Variants in CACNA1H observed in about 807,000 individuals in gnomAD.
CACNA1H encodes the protein calcium voltage-gated channel subunit alpha1 H, also known as voltage-dependent T-type calcium channel subunit alpha-1H.
A neutral mutation model predicts 192.5 loss-of-function variants in CACNA1H; 149 were observed. The ratio of observed to expected loss-of-function variants is 0.77; its 90% CI spans 0.68 to 0.89. CACNA1H has a LOEUF of 0.89. CACNA1H is among the 40% of genes least tolerant of loss of function. CACNA1H has a pLI of 0.00. For missense variants in CACNA1H, 4,257 were observed against 3,423.5 expected (o/e 1.24, Z -6.08); for synonymous variants, 2,202 against 1,475.2 (o/e 1.49, Z -11.29).
chr16:1,182,817 C>T (rs944825088), intron 2 of CACNA1H, among the ~76,000 whole-genome samples: 28 of 152,224 alleles, frequency 1.8e-4, no homozygotes, highest in African/African-American at 5.3e-4. Flanking sequence ...CCTCCTCTGA[C>T]GTTGCCCAGA....
At position 1,211,258 on chromosome 16, in the gene CACNA1H, C is replaced by T. The variant is rs60275734; in HGVS notation, c.4314C>T (p.Cys1438=). The change falls in exon 22 of 35, where the codon TGC becomes TGT. Residue 1438 remains cysteine (C), a synonymous_variant. Coordinates refer to ENST00000348261, the MANE Select transcript of CACNA1H (RefSeq NM_021098.3). ...RPIGNIVLIC[C]AFFIIFGILG... ...TTGGGAACATCGTCCTCATCTGCTGCGCCTTCTTCATCATTTTTGGCATTT... is the reference window on the plus strand; with the variant it reads ...TTGGGAACATCGTCCTCATCTGCTGTGCCTTCTTCATCATTTTTGGCATTT... 6,826 of 1,613,136 alleles carry T rather than the reference C, an allele frequency of 4.2e-3. 25 individuals are homozygous for T. The highest frequency in any genetic ancestry group is 5.0e-3 in the Non-Finnish European group (5,955 of 1,179,764).
intron 2 of CACNA1H, among the ~76,000 whole-genome samples, chr16:1,176,288 C>CG (rs1964881165): frequency 6.6e-6 from 1 of 152,220 alleles, no homozygotes; most frequent in Non-Finnish European, 1.5e-5. Context: ...TCACCCACCA[C>CG]GGGAGGGCAG....
At chr16:1,205,857 C>T (rs949872974) in intron 11 of CACNA1H, among the ~76,000 whole-genome samples, 1 of 152,210 alleles carries the variant, frequency 6.6e-6, no homozygotes, top group Non-Finnish European at 1.5e-5. Context: ...CCTGCCCTGG[C>T]CAGAGCCAGG....
At chr16:1,155,973 C>T (rs1210016335) in intron 2 of CACNA1H, among the ~76,000 whole-genome samples, 2 of 152,054 alleles carry the variant, frequency 1.3e-5, no homozygotes, top group Admixed American at 6.5e-5. Context: ...GACTTGGGTG[C>T]TGTCCTGGTC....
At chr16:1,172,494 A>T (rs951832902) in intron 2 of CACNA1H, among the ~76,000 whole-genome samples, 1 of 152,070 alleles carries the variant, frequency 6.6e-6, no homozygotes, top group African/African-American at 2.4e-5. Flanking sequence ...CCCCAGCAGG[A>T]CACGTAAGTA....
chr16:1,212,249 C>T (rs1278423538), intron 25 of CACNA1H, 111 bp downstream of exon 25: 47 of 1,417,900 alleles, frequency 3.3e-5, no homozygotes, highest in Non-Finnish European at 2.8e-6. Flanking sequence ...CTGCACGCCA[C>T]CCGCCTTGCC....
rs188162465 is a variant in CACNA1H at position 1,215,816 on chromosome 16, C to T, written c.5244+223C>T. On this transcript the variant is annotated intron_variant, in intron 30 of 34. Transcript: ENST00000348261. ...CAATCCTCTGGGCAAGACTCATAAC[C>T]GGGGCCCCCTCCCCGGTGCACTTCC... is the stretch of plus-strand genomic sequence containing the variant. Among the ~76,000 whole-genome samples, 318 of 152,258 alleles carry T rather than the reference C, an allele frequency of 2.1e-3. 1 individual carries two copies. Among genetic ancestry groups the T allele is most frequent in the African/African-American group, 7.1e-3 (296 of 41,546 alleles).
chr16:1,182,699 G>A lies in CACNA1H; in HGVS notation c.300-12273G>A, dbSNP rs553722068. Among the ~76,000 whole-genome samples, 18 of 152,240 alleles carry A rather than the reference G, an allele frequency of 1.2e-4. No homozygotes were observed. The South Asian group carries it at 3.7e-3, about 32-fold the overall frequency. On this transcript the variant is annotated intron_variant, in intron 2 of 34. Coordinates refer to ENST00000348261, the MANE Select transcript of CACNA1H (RefSeq NM_021098.3). ...TGCACATTGAGACTCAGAGCAGACT[G>A]GGGGTTGGCTGGGAGAGGCCAGGGT...
intron 2 of CACNA1H, among the ~76,000 whole-genome samples, chr16:1,187,025 A>C (rs1452773663): frequency 6.6e-6 from 1 of 152,238 alleles, no homozygotes; most frequent in Non-Finnish European, 1.5e-5. Flanking sequence ...TGTGGGACCA[A>C]AGCTGTTGCT....
chr16:1,212,343 AC>A, intron 25 of CACNA1H, among the ~76,000 whole-genome samples, 167 bp from the exon 26 acceptor site: 1 of 151,260 alleles, frequency 6.6e-6, no homozygotes, highest in East Asian at 2.0e-4. Context: ...AGGAGGAGAC[AC>A]CCCCAACCCC....
At chr16:1,213,550 C>G (rs184557719) in intron 26 of CACNA1H, among the ~76,000 whole-genome samples, 136 of 152,192 alleles carry the variant, frequency 8.9e-4, no homozygotes, top group African/African-American at 3.1e-3. Flanking sequence ...CTAGCCAGCT[C>G]CCCAGGGAGC....
In CACNA1H at chr16:1,206,315, G is replaced by A. The variant is rs377181514; in HGVS notation, c.2789+26G>A. On this transcript the variant is annotated intron_variant, in intron 12 of 34. Coordinates refer to ENST00000348261, the MANE Select transcript of CACNA1H (RefSeq NM_021098.3). ...GTGGGCGCAACCCCCCTCCCGGCCC[G>A]CCCAGTGTCTCACCCCAGGGCAGCT... The A allele has an allele frequency of 1.7e-3, 2,574 of 1,536,208 alleles. 4 individuals carry two copies. Among genetic ancestry groups the A allele is most frequent in the African/African-American group, 0.01 (731 of 72,538 alleles).
chr16:1,215,669 C>A, intron 30 of CACNA1H, 76 bp downstream of exon 30: 1 of 1,140,740 alleles, frequency 8.8e-7, no homozygotes, highest in Non-Finnish European at 1.3e-6. Context: ...CCGTCCCCCT[C>A]TCCCCCTCAC....
Position 1,195,015 on chromosome 16 carries a change from G to A in CACNA1H, c.343G>A (p.Val115Met), listed in dbSNP as rs375342465. 1.9e-5 allele frequency: 31 copies of A among 1,612,286 alleles called. No individual in the cohort carries two copies. Among genetic ancestry groups the A allele is most frequent in the African/African-American group, 4.0e-5 (3 of 74,982 alleles). The change falls in exon 3 of 35, where the codon GTG becomes ATG. Residue 115 changes from valine (V) to methionine (M), a missense_variant. By Grantham distance (21) the Val-to-Met change is conservative. Transcript: ENST00000348261. The stretch of plus-strand genomic sequence containing the variant: ...CATGCTGGTAATCATGCTCAACTGC[G>A]TGACCCTGGGCATGTTCCGGCCCTG... The part of the protein sequence containing the change: ...VSMLVIMLNC[V>M]TLGMFRPCED...
chr16:1,202,183 C>G lies in CACNA1H; in HGVS notation c.1733C>G (p.Ala578Gly), dbSNP rs1968020467. ...DAESVHSIYH[A>G]DCHIEGPQER... is the part of the protein sequence containing the mutation. ...GAGTCTGTGCACAGCATCTACCATG[C>G]CGACTGCCACATAGAGGGGCCGCAG... The change falls in exon 9 of 35, where the codon GCC becomes GGC. Residue 578 changes from alanine (A) to glycine (G), a missense_variant. Physicochemically the swap from Ala to Gly is moderately conservative, Grantham distance 60. Coordinates refer to ENST00000348261, the MANE Select transcript of CACNA1H (RefSeq NM_021098.3). 13 of 1,552,510 alleles carry G rather than the reference C, an allele frequency of 8.4e-6. No individual in the cohort carries two copies. The highest frequency in any genetic ancestry group is 1.1e-5 in the Non-Finnish European group (13 of 1,148,872).
intron 26 of CACNA1H, among the ~76,000 whole-genome samples, chr16:1,212,934 A>C (rs1317582053): frequency 6.6e-6 from 1 of 152,170 alleles, no homozygotes; most frequent in Non-Finnish European, 1.5e-5. Flanking sequence ...TGGCGGGTGG[A>C]TCCTGCTCTT....
chr16:1,220,712 C>T lies in CACNA1H; in HGVS notation c.6780C>T (p.His2260=). ...RWGQASCRAE[H]LTVPSFAFEP... ...GCCAGGCCTCCTGCCGGGCTGAGCACCTGACCGTCCCCAGCTTTGCCTTTG... is the reference window on the plus strand; with the variant it reads ...GCCAGGCCTCCTGCCGGGCTGAGCATCTGACCGTCCCCAGCTTTGCCTTTG... Residue 2260 remains histidine, a synonymous_variant, in exon 35 of 35, where the codon CAC becomes CAT. Transcript: ENST00000348261. 5 of 1,611,986 alleles carry T rather than the reference C, an allele frequency of 3.1e-6. No individual in the cohort carries two copies. The highest frequency in any genetic ancestry group is 2.2e-5 in the East Asian group (1 of 44,814).
At position 1,167,253 on chromosome 16, in the gene CACNA1H, A is replaced by T. The variant is rs1963884079; in HGVS notation, c.299+13217A>T. Among the ~76,000 whole-genome samples, 2 of 152,108 alleles carry T rather than the reference A, an allele frequency of 1.3e-5. No individual in the cohort carries two copies. Among genetic ancestry groups the T allele is most frequent in the African/African-American group, 4.8e-5 (2 of 41,448 alleles). ...GCCTGTGGGGTATGGGCCTCCTGTC[A>T]GCAGCCCGTCCCGGTGGGTGGGGCT... On this transcript the variant is annotated intron_variant, in intron 2 of 34. Coordinates refer to ENST00000348261, the MANE Select transcript of CACNA1H (RefSeq NM_021098.3). This position sits in a 1 kb window ranked among gnomAD's most constrained non-coding sequence, Gnocchi z 4.2.
chr16:1,180,679 C>T lies in CACNA1H; in HGVS notation c.300-14293C>T, dbSNP rs1361327078. Among the ~76,000 whole-genome samples, 3 of 121,796 alleles carry T rather than the reference C, an allele frequency of 2.5e-5. No individual in the cohort carries two copies. Among genetic ancestry groups the T allele is most frequent in the Admixed American group, 1.6e-4 (2 of 12,290 alleles). 79.9% of individuals were successfully genotyped at this position (121,796 alleles called of 152,430 possible). Reference sequence around the variant, plus strand: ...CAGGTAGGGAGGGGCCTGGGCAGGGCGGGGCAGGGAGGGATGAGGTGCAGA... The same window carrying T: ...CAGGTAGGGAGGGGCCTGGGCAGGGTGGGGCAGGGAGGGATGAGGTGCAGA... On this transcript the variant is annotated intron_variant, in intron 2 of 34. Transcript: ENST00000348261. This position sits in a 1 kb window ranked among gnomAD's most constrained non-coding sequence, Gnocchi z 4.4.
Sources: allele counts gnomAD v4.1 joint callset (sites outside exome capture counted in the v4.1 genomes callset), GRCh38; gene constraint gnomAD v4.1.1; non-coding constraint Gnocchi (gnomAD v3.1); transcripts MANE v1.5; gene names NCBI Gene and HGNC (gene_info 2026-07-23, HGNC 2026-07-21).